The following HOMER2 variants were observed in gnomAD, a reference collection of about 807,000 sequenced individuals.
HOMER2 encodes the protein homer protein homolog 2.
Under a neutral mutation model 47.0 loss-of-function variants are expected in HOMER2, and 27 were observed. The ratio of observed to expected loss-of-function variants is 0.57; its 90% confidence interval spans 0.42 to 0.79. HOMER2 has a LOEUF of 0.79. Ranked by LOEUF, HOMER2 falls within the 30% of genes least tolerant of loss-of-function variation. The probability of loss-of-function intolerance (pLI) is 0.00; values close to 1 mark genes in which losing one functional copy is unlikely to be tolerated. For missense variants in HOMER2, 443 were observed against 435.0 expected (o/e 1.02, Z -0.16); for synonymous variants, 161 against 163.8 (o/e 0.98, Z 0.13).
intron 1 of HOMER2, among the ~76,000 whole-genome samples, chr15:82,971,244 T>TG (rs747420304): frequency 2.6e-5 from 4 of 152,110 alleles, no homozygotes; most frequent in Non-Finnish European, 5.9e-5. Flanking sequence ...AGTAAAATTA[T>TG]GGGGGGTAGG....
At chr15:82,924,864 C>T (rs2053818709) in intron 1 of HOMER2, among the ~76,000 whole-genome samples, 1 of 152,236 alleles carries the variant, frequency 6.6e-6, no homozygotes, top group Non-Finnish European at 1.5e-5. Flanking sequence ...CACATAGCTA[C>T]TCAGTGACAG....
At chr15:82,845,533 T>C (rs1393098448), downstream of HOMER2, 1 of 152,178 alleles carries the variant, frequency 6.6e-6, no homozygotes, top group Non-Finnish European at 1.5e-5. Context: ...AGCATGCATA[T>C]CTTTAAAAAT....
chr15:82,938,467 T>G lies in HOMER2; in HGVS notation c.5+14064A>C, dbSNP rs565300838. On this transcript the variant is annotated intron_variant, in intron 1 of 8. Coordinates refer to ENST00000450735, the MANE Select transcript of HOMER2 (RefSeq NM_004839.4). ...CTCTATACCTGCACCTTGCCTGGTC[T>G]CTGAGGACGATGCACTCCTCTTCAG... 8.5e-5 allele frequency among the ~76,000 whole-genome samples: 13 copies of G among 152,262 alleles called. No individual in the cohort carries two copies. The South Asian group carries it at 2.7e-3, about 32-fold the overall frequency.
At chr15:82,986,034 G>A (rs1463174705), upstream of HOMER2, 4 of 983,186 alleles carry the variant, frequency 4.1e-6, no homozygotes, top group Non-Finnish European at 4.8e-6. Flanking sequence ...CAGGCTGAAA[G>A]TGCATGGAGG....
At chr15:82,869,559 G>A (rs527387582) in intron 3 of HOMER2, among the ~76,000 whole-genome samples, 1 of 139,332 alleles carries the variant, frequency 7.2e-6, no homozygotes, top group African/African-American at 2.7e-5. Context: ...CCGCGTTCAA[G>A]TGATTATCCT....
chr15:82,928,743 A>G (rs2053918768), intron 1 of HOMER2, among the ~76,000 whole-genome samples: 1 of 151,824 alleles, frequency 6.6e-6, no homozygotes, highest in African/African-American at 2.4e-5. Flanking sequence ...TCTCAAAGTC[A>G]GTCTCACCTC....
At chr15:82,907,753 A>G (rs1296423860) in intron 1 of HOMER2, among the ~76,000 whole-genome samples, 1 of 152,242 alleles carries the variant, frequency 6.6e-6, no homozygotes, top group African/African-American at 2.4e-5. Flanking sequence ...CAACAAATTT[A>G]GAAGAATAGA....
intron 1 of HOMER2, among the ~76,000 whole-genome samples, chr15:82,936,384 T>C (rs1414872909): frequency 6.6e-6 from 1 of 152,210 alleles, no homozygotes; most frequent in Non-Finnish European, 1.5e-5. Context: ...CAGGTGGAGC[T>C]GTCTCCCTCA....
At chr15:82,916,950 C>T (rs1333150320) in intron 1 of HOMER2, among the ~76,000 whole-genome samples, 2 of 152,114 alleles carry the variant, frequency 1.3e-5, no homozygotes, top group Non-Finnish European at 2.9e-5. Flanking sequence ...TACAGGCGCA[C>T]GCCACAATGT....
chr15:82,984,539 C>A (rs755571850), intron 1 of HOMER2, among the ~76,000 whole-genome samples: 11 of 152,206 alleles, frequency 7.2e-5, no homozygotes, highest in Non-Finnish European at 1.6e-4. Flanking sequence ...CAATGTGGGG[C>A]TGGGCTCCAC....
chr15:82,841,576 T>C (rs2051176611), exon 2 of HOMER2: 2 of 152,282 alleles, frequency 1.3e-5, no homozygotes, highest in South Asian at 4.1e-4. Flanking sequence ...AGCACAATTA[T>C]GTAAATGTTT....
intron 1 of HOMER2, among the ~76,000 whole-genome samples, chr15:82,934,575 C>T (rs1237933905): frequency 6.6e-6 from 1 of 152,164 alleles, no homozygotes; most frequent in African/African-American, 2.4e-5. Context: ...ACTCCACCAG[C>T]CACCTCCCGG....
chr15:82,892,882 CTT>C (rs780589929), intron 1 of HOMER2, 41 bp from the exon 2 acceptor site: 69 of 1,417,964 alleles, frequency 4.9e-5, no homozygotes, highest in Non-Finnish European at 6.2e-5. Flanking sequence ...GAGAACATGA[CTT>C]AATGTATAAT....
intron 1 of HOMER2, among the ~76,000 whole-genome samples, chr15:82,919,296 C>G (rs1340859941): frequency 6.6e-6 from 1 of 152,222 alleles, no homozygotes; most frequent in Non-Finnish European, 1.5e-5. Context: ...CCTCTCTCTG[C>G]CTTCAGGCCT....
chr15:82,962,152 C>T (rs564029496), intron 1 of HOMER2, among the ~76,000 whole-genome samples: 3 of 151,446 alleles, frequency 2.0e-5, no homozygotes, highest in Non-Finnish European at 2.9e-5. Context: ...GGGCGGATCA[C>T]GAGGTCAGGA....
At chr15:82,861,671 G>C (rs1428799045) in intron 4 of HOMER2, among the ~76,000 whole-genome samples, 1 of 152,112 alleles carries the variant, frequency 6.6e-6, no homozygotes, top group African/African-American at 2.4e-5. Flanking sequence ...CATACTCTAA[G>C]AGATTCAGGA....
intron 1 of HOMER2, among the ~76,000 whole-genome samples, chr15:82,918,280 G>A (rs563702757): frequency 4.9e-4 from 74 of 152,218 alleles, no homozygotes; most frequent in African/African-American, 1.8e-3. Context: ...AGCACCTGAG[G>A]GTACAGATAC....
At position 82,928,940 on chromosome 15, in the gene HOMER2, T is replaced by TAAAA; in HGVS notation, c.5+23587_5+23590dup. Among the ~76,000 whole-genome samples the TAAAA allele has an allele frequency of 5.8e-4, 23 of 39,914 alleles. 4 individuals carry two copies. Among genetic ancestry groups the TAAAA allele is most frequent in the African/African-American group, 2.6e-3 (17 of 6,478 alleles). 26.2% of individuals were successfully genotyped at this position (39,914 alleles called of 152,430 possible). Reference sequence around the variant, plus strand: ...TAACAACTGGCAAAAAAATAAAAACTAAAAAAAAAAAAAAAAAAAAGCTGT... The same window carrying TAAAA: ...TAACAACTGGCAAAAAAATAAAAACTAAAAAAAAAAAAAAAAAAAAAAAAGCTGT... On this transcript the variant is annotated intron_variant, in intron 1 of 8. Transcript: ENST00000450735.
intron 1 of HOMER2, among the ~76,000 whole-genome samples, chr15:82,897,929 C>T (rs1020385198): frequency 5.9e-5 from 9 of 152,222 alleles, no homozygotes; most frequent in African/African-American, 2.2e-4. Flanking sequence ...AGACTCCAGA[C>T]ACACAGCAAT....
Sources: gnomAD v4.1 joint callset for allele counts (sites outside exome capture counted in the v4.1 genomes callset) on GRCh38, gnomAD v4.1.1 for gene constraint, MANE v1.5 for transcripts, NCBI Gene and HGNC (gene_info 2026-07-23, HGNC 2026-07-21) for gene names.